LAPTM4B: variants seen among roughly 807,000 people sequenced by gnomAD.
LAPTM4B encodes lysosomal protein transmembrane 4 beta.
Under a neutral mutation model 28.5 loss-of-function variants are expected in LAPTM4B, and 26 were observed. That is an observed-to-expected ratio of 0.91 (90% CI 0.67 to 1.27). The LOEUF (loss-of-function observed/expected upper bound fraction) is 1.27. Ranked by LOEUF, LAPTM4B falls within the 50% of genes most tolerant of loss-of-function variation. The pLI is 0.00. For missense variants in LAPTM4B, 288 were observed against 285.8 expected (o/e 1.01, Z -0.06); for synonymous variants, 109 against 106.4 (o/e 1.02, Z -0.15).
intron 6 of LAPTM4B, among the ~76,000 whole-genome samples, chr8:97,844,471 T>C (rs11991498): frequency 0.17 from 25,809 of 152,158 alleles, 2,298 homozygotes; most frequent in East Asian, 0.23. Context: ...TGGAATTCAT[T>C]GGTGTTAACA....
At chr8:97,782,643 G>C (rs947197759) in intron 1 of LAPTM4B, among the ~76,000 whole-genome samples, 2 of 150,866 alleles carry the variant, frequency 1.3e-5, no homozygotes, top group South Asian at 2.1e-4. Context: ...TCACCATGTT[G>C]GTCAGGCTTG....
chr8:97,806,175 C>T (rs535755820), intron 2 of LAPTM4B, among the ~76,000 whole-genome samples: 5 of 151,980 alleles, frequency 3.3e-5, no homozygotes, highest in East Asian at 3.9e-4. Flanking sequence ...CGGAAGCATT[C>T]GAAAGACATG....
At chr8:97,848,557 T>C (rs1757075012) in intron 6 of LAPTM4B, among the ~76,000 whole-genome samples, 1 of 152,154 alleles carries the variant, frequency 6.6e-6, no homozygotes, top group Admixed American at 6.5e-5. Flanking sequence ...CAGTGGCTCA[T>C]GCCTGTAATC....
intron 6 of LAPTM4B, among the ~76,000 whole-genome samples, chr8:97,838,432 G>A (rs1331465359): frequency 1.3e-5 from 2 of 152,204 alleles, no homozygotes; most frequent in African/African-American, 2.4e-5. Context: ...CGCCCATCAG[G>A]CCTTGTGCCG....
intron 6 of LAPTM4B, among the ~76,000 whole-genome samples, chr8:97,845,167 CT>C (rs2129854715): frequency 6.6e-6 from 1 of 152,302 alleles, no homozygotes; most frequent in East Asian, 1.9e-4. Flanking sequence ...TTCTCCGCTG[CT>C]TTATCCTCCT....
intron 2 of LAPTM4B, among the ~76,000 whole-genome samples, chr8:97,811,389 A>C (rs1388597001): frequency 2.6e-5 from 4 of 152,236 alleles, no homozygotes; most frequent in African/African-American, 7.2e-5. Flanking sequence ...GAAACAATCC[A>C]GATTTCCAAT....
intron 2 of LAPTM4B, among the ~76,000 whole-genome samples, chr8:97,811,809 T>C (rs557498473): frequency 6.6e-6 from 1 of 152,084 alleles, no homozygotes; most frequent in Non-Finnish European, 1.5e-5. Flanking sequence ...TCTTTACTTT[T>C]GTATTTTATT....
At chr8:97,839,478 C>T (rs1213112173) in intron 6 of LAPTM4B, among the ~76,000 whole-genome samples, 1 of 152,210 alleles carries the variant, frequency 6.6e-6, no homozygotes, top group Admixed American at 6.5e-5. Flanking sequence ...CAGGCGTGAA[C>T]CACTGCGCCC....
intron 5 of LAPTM4B, among the ~76,000 whole-genome samples, chr8:97,819,805 G>C (rs967493890): frequency 7.4e-6 from 1 of 134,504 alleles, no homozygotes; most frequent in Non-Finnish European, 1.5e-5. Context: ...CGCAACCTCG[G>C]CTTACTGCGA....
intron 2 of LAPTM4B, among the ~76,000 whole-genome samples, chr8:97,806,625 A>G (rs1188518212): frequency 6.6e-6 from 1 of 151,998 alleles, no homozygotes; most frequent in Non-Finnish European, 1.5e-5. Flanking sequence ...ATTCCCCTGT[A>G]TTGTGGGAGG....
intron 1 of LAPTM4B, among the ~76,000 whole-genome samples, chr8:97,789,684 A>AT (rs1465997905): frequency 1.3e-5 from 2 of 150,598 alleles, no homozygotes; most frequent in African/African-American, 2.4e-5. Flanking sequence ...TACCTGGCTA[A>AT]TTTTTTTTGT....
At chr8:97,795,267 A>G (rs1253234517) in intron 1 of LAPTM4B, among the ~76,000 whole-genome samples, 1 of 151,750 alleles carries the variant, frequency 6.6e-6, no homozygotes, top group Admixed American at 6.6e-5. Context: ...ACCTGGCTAA[A>G]TATTATTATT....
chr8:97,816,160 C>CAGG lies in LAPTM4B; in HGVS notation c.390_392dup (p.Glu131dup), dbSNP rs756043354. The CAGG allele has an allele frequency of 6.2e-7, 1 of 1,613,100 alleles. No individual in the cohort carries two copies. The highest frequency in any genetic ancestry group is 8.5e-7 in the Non-Finnish European group (1 of 1,179,732). On this transcript the variant is annotated inframe_insertion, in exon 4 of 7. Coordinates refer to ENST00000521545, the MANE Select transcript of LAPTM4B (RefSeq NM_018407.6). ...TGTGCTTATTTATCCAAACTCCATTCAGGAATACATACGGCAACTGGTACG... is the reference window on the plus strand; with the variant it reads ...TGTGCTTATTTATCCAAACTCCATTCAGGAGGAATACATACGGCAACTGGTACG...
intron 2 of LAPTM4B, among the ~76,000 whole-genome samples, chr8:97,809,376 G>C (rs1036633590): frequency 5.3e-5 from 8 of 152,190 alleles, no homozygotes; most frequent in Admixed American, 5.2e-4. Flanking sequence ...GTTCATATGA[G>C]TATAATGGGG....
intron 6 of LAPTM4B, among the ~76,000 whole-genome samples, chr8:97,847,782 T>G (rs1241584440): frequency 1.3e-5 from 2 of 152,180 alleles, no homozygotes; most frequent in African/African-American, 4.8e-5. Flanking sequence ...GGAGAACCTT[T>G]GAAAGTAGTC....
intron 1 of LAPTM4B, among the ~76,000 whole-genome samples, chr8:97,783,190 A>G (rs1209509477): frequency 6.6e-6 from 1 of 151,108 alleles, no homozygotes; most frequent in African/African-American, 2.4e-5. Flanking sequence ...TTAGCCATAT[A>G]TCAGATTATA....
intron 6 of LAPTM4B, among the ~76,000 whole-genome samples, chr8:97,838,981 ATGT>A (rs1387776056): frequency 6.6e-6 from 1 of 152,096 alleles, no homozygotes; most frequent in African/African-American, 2.4e-5. Context: ...CATTCTCCCG[ATGT>A]TGTCATATGC....
intron 6 of LAPTM4B, among the ~76,000 whole-genome samples, chr8:97,849,875 C>A (rs1817495011): frequency 6.8e-6 from 1 of 147,636 alleles, no homozygotes; most frequent in Admixed American, 6.8e-5. Context: ...GCTGGCAGTG[C>A]TCCCCAGGGC....
intron 1 of LAPTM4B, among the ~76,000 whole-genome samples, chr8:97,800,283 C>G (rs1816650274): frequency 6.6e-6 from 1 of 152,060 alleles, no homozygotes; most frequent in African/African-American, 2.4e-5. Flanking sequence ...AAGCAGGTGT[C>G]TTAACACTGG....
Sources: allele counts gnomAD v4.1 joint callset (sites outside exome capture counted in the v4.1 genomes callset), GRCh38; gene constraint gnomAD v4.1.1; transcripts MANE v1.5; gene names NCBI Gene and HGNC (gene_info 2026-07-23, HGNC 2026-07-21).